NTRK2: variants seen among roughly 807,000 people sequenced by gnomAD.
NTRK2 encodes the protein neurotrophic receptor tyrosine kinase 2.
Under a neutral mutation model 94.5 loss-of-function variants are expected in NTRK2, and 13 were observed. The ratio of observed to expected loss-of-function variants is 0.14; its 90% CI spans 0.09 to 0.22. The LOEUF (loss-of-function observed/expected upper bound fraction) is 0.22, where lower values mean the gene tolerates loss of function less well. Among genes scored for constraint, NTRK2 ranks in the 10% least tolerant of loss-of-function variants. NTRK2 has a pLI of 1.00. For synonymous variants in NTRK2, 372 were observed against 407.4 expected, an observed-to-expected ratio of 0.91 and a Z score of 1.05; for missense variants, 639 against 1,071.2, an observed-to-expected ratio of 0.60 and a Z score of 5.63.
chr9:84,930,538 T>G (rs1170324145), intron 14 of NTRK2, among the ~76,000 whole-genome samples: 3 of 152,098 alleles, frequency 2.0e-5, no homozygotes, highest in Non-Finnish European at 4.4e-5. Context: ...GGATGAGGGA[T>G]AGAGATGGCG....
intron 17 of NTRK2, among the ~76,000 whole-genome samples, chr9:84,997,163 A>C (rs914795265): frequency 5.9e-5 from 9 of 152,182 alleles, no homozygotes; most frequent in African/African-American, 2.2e-4. Flanking sequence ...ATTTATAGGG[A>C]AGAGCTGGTA....
At chr9:84,750,146 G>A (rs962496264) in intron 11 of NTRK2, among the ~76,000 whole-genome samples, 14 of 152,292 alleles carry the variant, frequency 9.2e-5, no homozygotes, top group African/African-American at 3.4e-4. Flanking sequence ...TTGGGGGGCT[G>A]TCTTGGGCAC....
chr9:84,972,555 A>G (rs1337375321), intron 17 of NTRK2, among the ~76,000 whole-genome samples: 1 of 152,228 alleles, frequency 6.6e-6, no homozygotes. Flanking sequence ...AATAAAAACT[A>G]ATGAAAACTA....
intron 12 of NTRK2, among the ~76,000 whole-genome samples, chr9:84,768,958 G>A (rs886494794): frequency 2.8e-4 from 42 of 152,088 alleles, no homozygotes; most frequent in African/African-American, 1.0e-3. Flanking sequence ...TAGATGTGGA[G>A]GACAATCAGA....
chr9:84,977,361 T>C (rs931446484), intron 17 of NTRK2, among the ~76,000 whole-genome samples: 5 of 152,082 alleles, frequency 3.3e-5, no homozygotes, highest in African/African-American at 9.7e-5. Flanking sequence ...CCATTTTAAA[T>C]AGCAAAATCA....
chr9:84,955,593 C>A (rs558285284), intron 17 of NTRK2, 76 bp downstream of exon 17: 3 of 1,205,256 alleles, frequency 2.5e-6, no homozygotes, highest in African/African-American at 3.0e-5. Flanking sequence ...TTTGCTGAGG[C>A]TGTCATAACA....
intron 12 of NTRK2, among the ~76,000 whole-genome samples, chr9:84,858,507 G>A (rs2075175150): frequency 1.3e-5 from 2 of 151,542 alleles, no homozygotes; most frequent in East Asian, 3.9e-4. Flanking sequence ...GCTGTATTCT[G>A]AGTGCAGTCA....
At chr9:84,731,268 C>T (rs941737722) in intron 9 of NTRK2, among the ~76,000 whole-genome samples, 1 of 151,998 alleles carries the variant, frequency 6.6e-6, no homozygotes, top group Admixed American at 6.5e-5. Flanking sequence ...AACCCCTTCT[C>T]TACAAAAAAA....
At chr9:84,873,438 CT>C in intron 14 of NTRK2, 2 of 1,059,648 alleles carry the variant, frequency 1.9e-6, no homozygotes, top group Non-Finnish European at 2.3e-6. Context: ...TCGTGGGAGC[CT>C]TCATGGCACA....
intron 2 of NTRK2, among the ~76,000 whole-genome samples, chr9:84,685,706 T>C (rs1227623086): frequency 6.6e-6 from 1 of 152,214 alleles, no homozygotes; most frequent in Non-Finnish European, 1.5e-5. Context: ...CAGGTTGTCC[T>C]CTCTGCCTTC....
At chr9:84,827,078 T>A (rs1021941073) in intron 12 of NTRK2, among the ~76,000 whole-genome samples, 2 of 151,550 alleles carry the variant, frequency 1.3e-5, no homozygotes, top group African/African-American at 4.8e-5. Context: ...GTGTTTATAA[T>A]CCTTAAAGAA....
intron 14 of NTRK2, among the ~76,000 whole-genome samples, chr9:84,909,003 A>G (rs2077159415): frequency 6.6e-6 from 1 of 152,302 alleles, no homozygotes; most frequent in East Asian, 1.9e-4. Flanking sequence ...TATGATATTG[A>G]CATTCATACA....
chr9:85,020,602 C>T (rs1832700071), intron 18 of NTRK2, among the ~76,000 whole-genome samples: 1 of 152,162 alleles, frequency 6.6e-6, no homozygotes, highest in African/African-American at 2.4e-5. Context: ...GGTGATGGGA[C>T]TGAGGAGTCA....
At chr9:84,759,468 C>T (rs1000224171) in intron 12 of NTRK2, among the ~76,000 whole-genome samples, 2 of 152,204 alleles carry the variant, frequency 1.3e-5, no homozygotes, top group East Asian at 3.9e-4. Context: ...TTCCCACAAC[C>T]GCAGCATGAT....
Position 84,691,389 on chromosome 9 carries a change from T to C in NTRK2, c.213-10770T>C, listed in dbSNP as rs77315386. 3.1e-3 allele frequency among the ~76,000 whole-genome samples: 450 copies of C among 146,456 alleles called. 1 individual carries two copies. The highest frequency in any genetic ancestry group is 0.011 in the African/African-American group (435 of 39,474). Reference sequence around the variant, plus strand: ...ATCCCAGGGCTGTAATTATAACAGATACAACTCAGGATGTTAGACTCCCAT... The same window carrying C: ...ATCCCAGGGCTGTAATTATAACAGACACAACTCAGGATGTTAGACTCCCAT... On this transcript the variant is annotated intron_variant, in intron 2 of 18. Coordinates refer to ENST00000277120, the MANE Select transcript of NTRK2 (RefSeq NM_006180.6).
intron 14 of NTRK2, among the ~76,000 whole-genome samples, chr9:84,895,892 A>C (rs1418177985): frequency 1.3e-5 from 2 of 152,222 alleles, no homozygotes; most frequent in Admixed American, 1.3e-4. Flanking sequence ...CATTTGATAA[A>C]ATTTTTAAAG....
Position 85,023,332 on chromosome 9 carries a change from A to G in NTRK2, c.*1895A>G. 4.3e-6 allele frequency: 1 copy of G among 232,438 alleles called. No individual in the cohort carries two copies. The allele number at this position is 232,438 out of a possible 1,614,324, so 14.4% of individuals were successfully genotyped here. The stretch of plus-strand genomic sequence containing the variant: ...TTCATCTTAGGTCATGTTATTTCAT[A>G]TTTGTTTCTGAAGGTGCGATAGCTC... On this transcript the variant is annotated 3_prime_UTR_variant, in exon 19 of 19. Coordinates refer to ENST00000277120, the MANE Select transcript of NTRK2 (RefSeq NM_006180.6).
At chr9:84,704,981 C>T (rs943337444) in intron 4 of NTRK2, among the ~76,000 whole-genome samples, 24 of 152,096 alleles carry the variant, frequency 1.6e-4, no homozygotes, top group African/African-American at 5.6e-4. Context: ...TGATTTTCCA[C>T]ATGCAAATTG....
At chr9:84,926,173 T>TCTTTCTTC (rs2077794001) in intron 14 of NTRK2, among the ~76,000 whole-genome samples, 7 of 47,822 alleles carry the variant, frequency 1.5e-4, no homozygotes, top group African/African-American at 4.5e-4. Flanking sequence ...TTCCTTCCTT[T>TCTTTCTTC]CTTTCTTTCT....
Sources: allele counts gnomAD v4.1 joint callset (sites outside exome capture counted in the v4.1 genomes callset), GRCh38; gene constraint gnomAD v4.1.1; transcripts MANE v1.5; gene names NCBI Gene and HGNC (gene_info 2026-07-23, HGNC 2026-07-21).